Variants in APIP observed in about 807,000 individuals in gnomAD.
APIP encodes the protein APAF1 interacting protein, also known as methylthioribulose-1-phosphate dehydratase.
APIP carries 32 observed loss-of-function variants against 32.0 expected under a neutral mutation model. The observed-to-expected ratio is 1.00, with a 90% confidence interval of 0.76 to 1.34. The LOEUF (loss-of-function observed/expected upper bound fraction) is 1.34. Ranked by LOEUF, APIP falls within the 40% of genes most tolerant of loss-of-function variation. APIP has a pLI of 0.00. For missense variants in APIP, 247 were observed against 298.6 expected (o/e 0.83, Z 1.27); for synonymous variants, 92 against 94.8 (o/e 0.97, Z 0.17).
At chr11:34,894,928 G>T in intron 2 of APIP, 82 bp downstream of exon 2, 2 of 1,213,572 alleles carry the variant, frequency 1.6e-6, no homozygotes, top group Non-Finnish European at 2.4e-6. Context: ...ATCATCAGTT[G>T]TTCTTTGGAT....
At chr11:34,895,573 A>G (rs972759106) in intron 1 of APIP, among the ~76,000 whole-genome samples, 1 of 152,236 alleles carries the variant, frequency 6.6e-6, no homozygotes, top group African/African-American at 2.4e-5. Flanking sequence ...TTGTATTTTT[A>G]TTCCAAAAAA....
Position 34,916,355 on chromosome 11 carries a change from C to T in APIP, c.-71G>A. On this transcript the variant is annotated 5_prime_UTR_variant, in exon 1 of 7. Coordinates refer to ENST00000395787, the MANE Select transcript of APIP (RefSeq NM_015957.4). ...TGCGCGCGGCGCTTAGCCTGGGATA[C>T]GGCAGCGAGGCCGCAAATGCAATCA... The T allele has an allele frequency of 6.3e-7, 1 of 1,578,144 alleles. No homozygotes were observed. Among genetic ancestry groups the T allele is most frequent in the Non-Finnish European group, 8.6e-7 (1 of 1,162,006 alleles).
At chr11:34,909,508 T>C (rs1853510305) in intron 1 of APIP, among the ~76,000 whole-genome samples, 1 of 152,050 alleles carries the variant, frequency 6.6e-6, no homozygotes, top group South Asian at 2.1e-4. Flanking sequence ...CTAAAAGACA[T>C]GAACTAAGCC....
At chr11:34,895,333 T>C (rs1853251513) in intron 1 of APIP, among the ~76,000 whole-genome samples, 1 of 152,192 alleles carries the variant, frequency 6.6e-6, no homozygotes, top group Non-Finnish European at 1.5e-5. Context: ...TATAGGGCCA[T>C]ATAGTCCAAC....
At chr11:34,892,001 A>C (rs1161370662) in intron 2 of APIP, among the ~76,000 whole-genome samples, 1 of 152,116 alleles carries the variant, frequency 6.6e-6, no homozygotes, top group Non-Finnish European at 1.5e-5. Context: ...AAAGTACAAA[A>C]TGGTCTGCTG....
intron 2 of APIP, among the ~76,000 whole-genome samples, chr11:34,894,463 T>G (rs1334735804): frequency 1.9e-5 from 1 of 52,626 alleles, no homozygotes; most frequent in African/African-American, 5.2e-5. Flanking sequence ...AGACCCAGTC[T>G]CTACAAAAAA....
rs780231727 is a variant in APIP, at chr11:34,888,477, G to C, written c.326-49C>G. 5 of 1,578,098 alleles carry C rather than the reference G, an allele frequency of 3.2e-6. No homozygotes were observed. The South Asian group carries it at 6.0e-5, about 19-fold the overall frequency. On this transcript the variant is annotated intron_variant, in intron 4 of 6. Transcript: ENST00000395787. ...CATGCTCAATGAAGACTGAATTATA[G>C]CTTTTAAAGAAAAAAAGTCCATATA...
chr11:34,895,863 A>G (rs1042873541), intron 1 of APIP, among the ~76,000 whole-genome samples: 2 of 90,486 alleles, frequency 2.2e-5, no homozygotes, highest in African/African-American at 5.9e-5. Context: ...TAATGAAAAC[A>G]AAAATAAATA....
intron 1 of APIP, among the ~76,000 whole-genome samples, chr11:34,914,923 G>C (rs1239040531): frequency 7.0e-6 from 1 of 143,030 alleles, no homozygotes; most frequent in East Asian, 2.2e-4. Flanking sequence ...AAAATCGCTT[G>C]AACCAAGGAG....
intron 2 of APIP, among the ~76,000 whole-genome samples, chr11:34,894,735 TAGC>T (rs1853239047): frequency 6.6e-6 from 1 of 152,224 alleles, no homozygotes; most frequent in Admixed American, 6.5e-5. Flanking sequence ...ACATACTTGG[TAGC>T]ATGTTATTTA....
chr11:34,884,853 T>TGGGA, intron 5 of APIP, among the ~76,000 whole-genome samples: 1 of 152,032 alleles, frequency 6.6e-6, no homozygotes, highest in East Asian at 1.9e-4. Context: ...CAGAAATATT[T>TGGGA]TCAGGAGCAA....
intron 5 of APIP, among the ~76,000 whole-genome samples, chr11:34,887,551 T>C (rs1208527612): frequency 2.6e-5 from 4 of 152,348 alleles, no homozygotes; most frequent in Admixed American, 6.5e-5. Context: ...GAATATGATA[T>C]TGTGGTAATA....
At position 34,916,298 on chromosome 11, in the gene APIP, G is replaced by T; in HGVS notation, c.-14C>A. 1.2e-6 allele frequency: 2 copies of T among 1,611,312 alleles called. No homozygotes were observed. The highest frequency in any genetic ancestry group is 1.7e-6 in the Non-Finnish European group (2 of 1,179,030). ...ACAGCCAGACATGGCCCAGACCAGG[G>T]ACCCGCGCGGCCTCCAATCTCCGCA... On this transcript the variant is annotated 5_prime_UTR_variant, in exon 1 of 7. Transcript: ENST00000395787.
At chr11:34,900,472 A>G (rs1177165958) in intron 1 of APIP, among the ~76,000 whole-genome samples, 1 of 152,134 alleles carries the variant, frequency 6.6e-6, no homozygotes, top group Non-Finnish European at 1.5e-5. Context: ...CCTTAAGCAA[A>G]TAAAGGGAGA....
intron 1 of APIP, among the ~76,000 whole-genome samples, chr11:34,908,816 TTAG>T (rs1293572502): frequency 1.3e-5 from 2 of 152,170 alleles, no homozygotes; most frequent in Non-Finnish European, 2.9e-5. Context: ...GAAAGAATGC[TTAG>T]TAGCTGGAAG....
intron 1 of APIP, among the ~76,000 whole-genome samples, chr11:34,901,724 T>A (rs1853373326): frequency 6.6e-6 from 1 of 152,120 alleles, no homozygotes; most frequent in Non-Finnish European, 1.5e-5. Context: ...GGGGCCAGCA[T>A]CCATACAGCC....
intron 1 of APIP, 170 bp downstream of exon 1, chr11:34,916,058 T>C (rs1378880862): frequency 1.1e-6 from 1 of 872,042 alleles, no homozygotes. Flanking sequence ...CCTCGCAGCC[T>C]TGCTTCCGAA....
intron 1 of APIP, among the ~76,000 whole-genome samples, chr11:34,900,252 C>T (rs1304962117): frequency 6.6e-6 from 1 of 152,184 alleles, no homozygotes; most frequent in East Asian, 1.9e-4. Flanking sequence ...GCCCATAGGC[C>T]TTTCCCAGAG....
intron 2 of APIP, among the ~76,000 whole-genome samples, chr11:34,893,013 G>A (rs1371545753): frequency 6.6e-6 from 1 of 152,160 alleles, no homozygotes; most frequent in Non-Finnish European, 1.5e-5. Flanking sequence ...CCATGTGACT[G>A]TGGCTCTTTC....
Sources: allele counts gnomAD v4.1 joint callset (sites outside exome capture counted in the v4.1 genomes callset), GRCh38; gene constraint gnomAD v4.1.1; transcripts MANE v1.5; gene names NCBI Gene and HGNC (gene_info 2026-07-23, HGNC 2026-07-21).